The following ZNF480 variants were observed in gnomAD, a reference collection of about 807,000 sequenced individuals.
ZNF480 encodes the protein zinc finger protein 480.
Under a neutral mutation model 14.4 loss-of-function variants are expected in ZNF480, and 15 were observed. That is an observed-to-expected ratio of 1.04 (90% confidence interval 0.70 to 1.60). The LOEUF is 1.60. Among genes scored for constraint, ZNF480 ranks in the 40% most tolerant of loss-of-function variants. The pLI, the probability that ZNF480 is intolerant of heterozygous loss-of-function variation, is 0.00. For missense variants in ZNF480, 593 were observed against 629.7 expected (o/e 0.94, Z 0.62); for synonymous variants, 218 against 215.5 (o/e 1.01, Z -0.10).
intron 2 of ZNF480, among the ~76,000 whole-genome samples, chr19:52,313,281 G>A (rs968022911): frequency 6.6e-6 from 1 of 151,436 alleles, no homozygotes; most frequent in African/African-American, 2.4e-5. Context: ...GGATTAACAG[G>A]TGCATACCAC....
At position 52,322,818 on chromosome 19, in the gene ZNF480, T is replaced by C; in HGVS notation, c.1568T>C (p.Ile523Thr). 6.2e-7 allele frequency: 1 copy of C among 1,605,562 alleles called. No individual in the cohort carries two copies. Among genetic ancestry groups the C allele is most frequent in the Non-Finnish European group, 8.5e-7 (1 of 1,174,784 alleles). Residue 523 changes from isoleucine to threonine, a missense_variant, in exon 5 of 5, where the codon ATT becomes ACT. By Grantham distance (89) the Ile-to-Thr change is moderately conservative. Coordinates refer to ENST00000595962, the MANE Select transcript of ZNF480 (RefSeq NM_144684.4). ...GAGTGTGGCAAGGCCTTTAGTCGCATTTCATACCTAGCACAACATTGGACA... is the reference window on the plus strand; with the variant it reads ...GAGTGTGGCAAGGCCTTTAGTCGCACTTCATACCTAGCACAACATTGGACA... Reference protein sequence around the residue: ...CNECGKAFSRISYLAQHWTIH... With the variant: ...CNECGKAFSRTSYLAQHWTIH...
At position 52,315,773 on chromosome 19, in the gene ZNF480, C is replaced by T. The variant is rs751489922; in HGVS notation, c.200-61C>T. 4 of 1,553,914 alleles carry T rather than the reference C, an allele frequency of 2.6e-6. No homozygotes were observed. In the African/African-American group the frequency reaches 5.5e-5, roughly 21 times the overall value. On this transcript the variant is annotated intron_variant, in intron 3 of 4. Coordinates refer to ENST00000595962, the MANE Select transcript of ZNF480 (RefSeq NM_144684.4). Reference sequence around the variant, plus strand: ...TTTGTGATATCCTGTCTCCTTCCTACACATAGGGCTTGGATTTTGGAGATG... The same window carrying T: ...TTTGTGATATCCTGTCTCCTTCCTATACATAGGGCTTGGATTTTGGAGATG...
chr19:52,304,848 C>T (rs1600213882), intron 2 of ZNF480, among the ~76,000 whole-genome samples: 2 of 152,122 alleles, frequency 1.3e-5, no homozygotes, highest in African/African-American at 2.4e-5. Context: ...CCTGTAATCC[C>T]AGCACTTTGG....
At position 52,315,927 on chromosome 19, in the gene ZNF480, C is replaced by A; in HGVS notation, c.293C>A (p.Ser98Ter). The change falls in exon 4 of 5, where the codon TCA becomes TAA. Residue 98 changes from serine to a stop codon, truncating the protein, a stop_gained. Coordinates refer to ENST00000595962, the MANE Select transcript of ZNF480 (RefSeq NM_144684.4). LOFTEE classifies it low-confidence loss of function (END_TRUNC). Reference protein sequence around the residue: ...GESEVKIAKNSDGRECIKGVN... With the variant: ...GESEVKIAKN ...AGTGAAGTGAAAATAGCAAAAAATT[C>A]AGATGGGAGGGAGTGCATCAAAGGT... 2 of 1,612,102 alleles carry A rather than the reference C, an allele frequency of 1.2e-6. No homozygotes were observed. The highest frequency in any genetic ancestry group is 1.7e-6 in the Non-Finnish European group (2 of 1,178,758).
intron 4 of ZNF480, among the ~76,000 whole-genome samples, chr19:52,320,014 C>T (rs1983739526): frequency 6.6e-6 from 1 of 151,950 alleles, no homozygotes; most frequent in Non-Finnish European, 1.5e-5. Flanking sequence ...GACAGGCTTT[C>T]ACCATGTTGG....
intron 2 of ZNF480, among the ~76,000 whole-genome samples, chr19:52,305,226 G>A (rs1982874367): frequency 6.6e-6 from 1 of 152,218 alleles, no homozygotes; most frequent in Admixed American, 6.5e-5. Flanking sequence ...CTCCAACTGT[G>A]TTAAATCGAG....
In ZNF480 at chr19:52,321,796, T is replaced by C. The variant is rs1458724215; in HGVS notation, c.546T>C (p.Asn182=). The C allele has an allele frequency of 1.7e-5, 27 of 1,613,608 alleles. No homozygotes were observed. The highest frequency in any genetic ancestry group is 2.3e-5 in the Non-Finnish European group (27 of 1,179,820). Residue 182 remains asparagine, a synonymous_variant, in exon 5 of 5, where the codon AAT becomes AAC. Coordinates refer to ENST00000595962, the MANE Select transcript of ZNF480 (RefSeq NM_144684.4). ...TCAAAACCCCCATTTTTAATAGGAATGATTTTGATGATTCTTCATTTCTCC... is the reference window on the plus strand; with the variant it reads ...TCAAAACCCCCATTTTTAATAGGAACGATTTTGATGATTCTTCATTTCTCC... The part of the protein sequence containing the change: ...SSVKTPIFNR[N]DFDDSSFLPQ...
At chr19:52,320,174 C>G (rs1352597762) in intron 4 of ZNF480, among the ~76,000 whole-genome samples, 1 of 152,102 alleles carries the variant, frequency 6.6e-6, no homozygotes. Flanking sequence ...GGTGCTCTAT[C>G]CATCTGCTGT....
At chr19:52,309,516 C>G (rs1983166120) in intron 2 of ZNF480, among the ~76,000 whole-genome samples, 1 of 152,204 alleles carries the variant, frequency 6.6e-6, no homozygotes, top group African/African-American at 2.4e-5. Flanking sequence ...TACTTCAATG[C>G]TTATGTTCAG....
At chr19:52,302,553 C>T (rs948575003) in intron 2 of ZNF480, among the ~76,000 whole-genome samples, 2 of 152,208 alleles carry the variant, frequency 1.3e-5, no homozygotes, top group Admixed American at 6.5e-5. Context: ...CACTGCGAAG[C>T]ATTGCAGAAA....
At chr19:52,305,278 A>G (rs1982876809) in intron 2 of ZNF480, among the ~76,000 whole-genome samples, 1 of 152,192 alleles carries the variant, frequency 6.6e-6, no homozygotes, top group African/African-American at 2.4e-5. Context: ...CTGTAGAGAA[A>G]TGATTGAAAT....
intron 2 of ZNF480, among the ~76,000 whole-genome samples, chr19:52,311,789 A>G (rs1252536239): frequency 6.6e-6 from 1 of 152,098 alleles, no homozygotes; most frequent in African/African-American, 2.4e-5. Flanking sequence ...CCTGGACAAC[A>G]TAGTGAGACC....
intron 2 of ZNF480, among the ~76,000 whole-genome samples, chr19:52,310,767 G>A (rs1055837806): frequency 1.1e-4 from 16 of 151,660 alleles, no homozygotes; most frequent in South Asian, 2.1e-4. Flanking sequence ...TTGGGAGGCC[G>A]AGGCGGGTGG....
At chr19:52,319,043 T>C (rs1485997402) in intron 4 of ZNF480, among the ~76,000 whole-genome samples, 3 of 152,082 alleles carry the variant, frequency 2.0e-5, no homozygotes. Flanking sequence ...TTTGTATTTT[T>C]AGTAGAGATG....
At chr19:52,303,370 T>A (rs936100613) in intron 2 of ZNF480, among the ~76,000 whole-genome samples, 3 of 152,214 alleles carry the variant, frequency 2.0e-5, no homozygotes, top group Non-Finnish European at 4.4e-5. Flanking sequence ...CTAAGTGGTT[T>A]TGCTAAGTAA....
In ZNF480 at chr19:52,304,603, A is replaced by G. The variant is rs1428267902; in HGVS notation, c.72+4119A>G. The stretch of plus-strand genomic sequence containing the variant: ...TGGCTGCCATGAAAAATTATATCCT[A>G]AACCCTGGTGGGAATTTTGTCCTTC... On this transcript the variant is annotated intron_variant, in intron 2 of 4. Transcript: ENST00000595962. Among the ~76,000 whole-genome samples, 3 of 152,122 alleles carry G rather than the reference A, an allele frequency of 2.0e-5. No individual in the cohort carries two copies. The East Asian group carries it at 5.8e-4, about 29-fold the overall frequency.
chr19:52,320,065 C>T (rs1454474253), intron 4 of ZNF480, among the ~76,000 whole-genome samples: 2 of 152,086 alleles, frequency 1.3e-5, no homozygotes, highest in African/African-American at 4.8e-5. Context: ...ATCCTCCTGC[C>T]TTGGCCTCCC....
At chr19:52,298,098 G>A (rs558201576) in intron 1 of ZNF480, among the ~76,000 whole-genome samples, 10 of 151,846 alleles carry the variant, frequency 6.6e-5, no homozygotes, top group Non-Finnish European at 1.5e-4. Flanking sequence ...TAGTGAGAGG[G>A]GCAGCAAAGT....
chr19:52,306,834 G>C (rs902593290), intron 2 of ZNF480, among the ~76,000 whole-genome samples: 1 of 152,102 alleles, frequency 6.6e-6, no homozygotes, highest in Non-Finnish European at 1.5e-5. Context: ...GAGAGCAGTT[G>C]CTTGAGGCGC....
Sources: gnomAD v4.1 joint callset for allele counts (sites outside exome capture counted in the v4.1 genomes callset) on GRCh38, gnomAD v4.1.1 for gene constraint, MANE v1.5 for transcripts, NCBI Gene and HGNC (gene_info 2026-07-23, HGNC 2026-07-21) for gene names.